The following HS6ST3 variants were observed in gnomAD, a reference collection of about 807,000 sequenced individuals.
HS6ST3 encodes heparan-sulfate 6-O-sulfotransferase 3.
HS6ST3 carries 12 observed loss-of-function variants against 36.7 expected under a neutral mutation model. The observed-to-expected ratio is 0.33, with a 90% CI of 0.21 to 0.53. HS6ST3 has a LOEUF of 0.53. Ranked by LOEUF, HS6ST3 falls within the 20% of genes least tolerant of loss-of-function variation. The pLI is 0.95. For synonymous variants in HS6ST3, 240 were observed against 257.5 expected (o/e 0.93, Z 0.65); for missense variants, 584 against 640.9 (o/e 0.91, Z 0.96).
chr13:96,647,904 C>G (rs2056594368), intron 1 of HS6ST3, among the ~76,000 whole-genome samples: 2 of 151,966 alleles, frequency 1.3e-5, no homozygotes, highest in African/African-American at 4.8e-5. Flanking sequence ...TGGAAATCTT[C>G]TGAACTCTTT....
chr13:96,192,703 G>T (rs1188936762), intron 1 of HS6ST3, among the ~76,000 whole-genome samples: 3 of 152,024 alleles, frequency 2.0e-5, no homozygotes, highest in Non-Finnish European at 4.4e-5. Context: ...GTTGTGAACA[G>T]TGCTGCGATG....
At chr13:96,609,498 C>G (rs2056450197) in intron 1 of HS6ST3, among the ~76,000 whole-genome samples, 1 of 152,052 alleles carries the variant, frequency 6.6e-6, no homozygotes, top group Non-Finnish European at 1.5e-5. Flanking sequence ...TAAAGTGTTT[C>G]CAGGGACTAC....
At chr13:96,228,038 C>G (rs1464954947) in intron 1 of HS6ST3, among the ~76,000 whole-genome samples, 1 of 152,106 alleles carries the variant, frequency 6.6e-6, no homozygotes, top group Non-Finnish European at 1.5e-5. Flanking sequence ...TTCAGTTGAT[C>G]TTTCTTAGAA....
At chr13:96,301,940 A>G (rs1015082177) in intron 1 of HS6ST3, among the ~76,000 whole-genome samples, 22 of 146,768 alleles carry the variant, frequency 1.5e-4, no homozygotes, top group African/African-American at 5.2e-4. Flanking sequence ...TAATAATAAT[A>G]ATAATTTCTA....
chr13:96,636,064 C>T lies in HS6ST3; in HGVS notation c.708-196426C>T, dbSNP rs187903826. On this transcript the variant is annotated intron_variant, in intron 1 of 1. Transcript: ENST00000376705. ...CCTTAAAAACCTGACTGTAGAGGCA[C>T]AGACTACTTCATCGACAATTCGATG... 2.6e-5 allele frequency among the ~76,000 whole-genome samples: 4 copies of T among 152,254 alleles called. No homozygotes were observed. The East Asian group carries it at 5.8e-4, about 22-fold the overall frequency.
At chr13:96,443,994 A>C (rs1358228465) in intron 1 of HS6ST3, among the ~76,000 whole-genome samples, 6 of 152,288 alleles carry the variant, frequency 3.9e-5, no homozygotes, top group Admixed American at 3.9e-4. Flanking sequence ...CACATACACA[A>C]ATTCACTTAA....
chr13:96,133,005 T>C (rs1704496154), intron 1 of HS6ST3, among the ~76,000 whole-genome samples: 2 of 152,146 alleles, frequency 1.3e-5, no homozygotes, highest in Non-Finnish European at 2.9e-5. Flanking sequence ...ATCTTTTGAG[T>C]GCCTTTTATA....
At chr13:96,374,333 A>T (rs2055304573) in intron 1 of HS6ST3, among the ~76,000 whole-genome samples, 1 of 152,112 alleles carries the variant, frequency 6.6e-6, no homozygotes, top group Non-Finnish European at 1.5e-5. Flanking sequence ...TCTTTTTTAT[A>T]GTTTTATTTT....
At chr13:96,111,640 G>A (rs1398388132) in intron 1 of HS6ST3, among the ~76,000 whole-genome samples, 1 of 152,156 alleles carries the variant, frequency 6.6e-6, no homozygotes, top group Non-Finnish European at 1.5e-5. Flanking sequence ...TAGTTTTGCA[G>A]AAGACACAGG....
At chr13:96,142,405 T>A (rs2054036358) in intron 1 of HS6ST3, among the ~76,000 whole-genome samples, 1 of 152,200 alleles carries the variant, frequency 6.6e-6, no homozygotes, top group Non-Finnish European at 1.5e-5. Context: ...CAATTAATTA[T>A]CTTGCATCCA....
At chr13:96,509,718 C>T (rs1344855810) in intron 1 of HS6ST3, among the ~76,000 whole-genome samples, 1 of 152,150 alleles carries the variant, frequency 6.6e-6, no homozygotes, top group African/African-American at 2.4e-5. Context: ...TACTTTTATA[C>T]CAGTAACCTG....
chr13:96,530,848 T>G (rs977927299), intron 1 of HS6ST3, among the ~76,000 whole-genome samples: 1 of 152,170 alleles, frequency 6.6e-6, no homozygotes, highest in Non-Finnish European at 1.5e-5. Flanking sequence ...ACTACCCTCT[T>G]GAGACACAAA....
At chr13:96,139,832 T>G (rs2054022064) in intron 1 of HS6ST3, among the ~76,000 whole-genome samples, 6 of 152,138 alleles carry the variant, frequency 3.9e-5, no homozygotes, top group Admixed American at 2.0e-4. Flanking sequence ...GGTATCTCTG[T>G]TCTCAAGACA....
chr13:96,790,924 T>C (rs928536482), intron 1 of HS6ST3, among the ~76,000 whole-genome samples: 2 of 152,086 alleles, frequency 1.3e-5, no homozygotes, highest in African/African-American at 4.8e-5. Context: ...TACCACCTCC[T>C]ATATGTGTAA....
chr13:96,754,126 T>C (rs1431493339), intron 1 of HS6ST3, among the ~76,000 whole-genome samples: 3 of 152,182 alleles, frequency 2.0e-5, no homozygotes, highest in African/African-American at 7.2e-5. Flanking sequence ...GCAAAAATGT[T>C]TTTTTGATCC....
intron 1 of HS6ST3, among the ~76,000 whole-genome samples, chr13:96,117,319 A>G (rs996032593): frequency 1.3e-5 from 2 of 152,254 alleles, no homozygotes; most frequent in Non-Finnish European, 2.9e-5. Flanking sequence ...GTCTAAACAC[A>G]TCAAAATAAA....
intron 1 of HS6ST3, among the ~76,000 whole-genome samples, chr13:96,193,741 A>G (rs2054299760): frequency 1.3e-5 from 2 of 152,216 alleles, no homozygotes; most frequent in Non-Finnish European, 2.9e-5. Context: ...TGCTTTGATA[A>G]TATTTGAATG....
intron 1 of HS6ST3, among the ~76,000 whole-genome samples, chr13:96,193,572 A>G (rs1190042703): frequency 3.3e-5 from 5 of 152,074 alleles, no homozygotes; most frequent in African/African-American, 1.2e-4. Context: ...TGTGTTGTGG[A>G]TATGTCTTAA....
chr13:96,608,518 G>A (rs2056446579), intron 1 of HS6ST3, among the ~76,000 whole-genome samples: 1 of 152,180 alleles, frequency 6.6e-6, no homozygotes, highest in African/African-American at 2.4e-5. Context: ...CTATTGAGAG[G>A]ACAAAGGAAC....
Sources: allele counts gnomAD v4.1 joint callset (sites outside exome capture counted in the v4.1 genomes callset), GRCh38; gene constraint gnomAD v4.1.1; transcripts MANE v1.5; gene names NCBI Gene and HGNC (gene_info 2026-07-23, HGNC 2026-07-21).